The following GIPR variants were observed in gnomAD, a reference collection of about 807,000 sequenced individuals.
The protein encoded by GIPR is GIP-R.
In GIPR, 74 loss-of-function variants were observed where a neutral mutation model predicts 62.2. That is an observed-to-expected ratio of 1.19 (90% CI 0.99 to 1.44). The LOEUF is 1.44. Among genes scored for constraint, GIPR ranks in the 40% most tolerant of loss-of-function variants. GIPR has a pLI of 0.00. For missense variants in GIPR, 664 were observed against 611.8 expected, an observed-to-expected ratio of 1.09 and a Z score of -0.90; for synonymous variants, 256 against 262.2, an observed-to-expected ratio of 0.98 and a Z score of 0.23.
chr19:45,668,817 C>T (rs114358128), intron 1 of GIPR, among the ~76,000 whole-genome samples: 201 of 152,360 alleles, frequency 1.3e-3, no homozygotes, highest in Middle Eastern at 0.01. Context: ...CTTCTCTAGT[C>T]CCTAAGTATT....
intron 10 of GIPR, 50 bp downstream of exon 10, chr19:45,677,829 T>C: frequency 1.9e-6 from 3 of 1,601,808 alleles, no homozygotes; most frequent in Non-Finnish European, 2.6e-6. Flanking sequence ...TTTCCCATTC[T>C]GGGAAGTGGG....
chr19:45,677,071 G>C lies in GIPR; in HGVS notation c.756G>C (p.Glu252Asp), dbSNP rs76439420. The C allele has an allele frequency of 1.4e-3, 2,212 of 1,614,046 alleles. 35 individuals are homozygous for C. In the African/African-American group the frequency reaches 0.027, roughly 20 times the overall value. The part of the protein sequence containing the change: ...HSLLVLVGGS[E>D]EGHFRYYLLL... The stretch of plus-strand genomic sequence containing the variant: ...TCCTGGTGCTCGTGGGAGGCTCCGA[G>C]GAGGGCCACTTCCGCTACTACCTGC... The change falls in exon 8 of 14, where the codon GAG becomes GAC. Residue 252 changes from glutamate (E) to aspartate (D), a missense_variant. Glu to Asp is a conservative substitution (Grantham distance 45). Coordinates refer to ENST00000590918, the MANE Select transcript of GIPR (RefSeq NM_000164.4).
At chr19:45,673,857 A>G (rs942300490) in intron 5 of GIPR, among the ~76,000 whole-genome samples, 15 of 148,536 alleles carry the variant, frequency 1.0e-4, no homozygotes, top group Non-Finnish European at 1.9e-4. Context: ...AAGCAAGACC[A>G]TGTCTCAAAA....
At chr19:45,673,303 C>A (rs939414808) in intron 5 of GIPR, among the ~76,000 whole-genome samples, 1 of 151,130 alleles carries the variant, frequency 6.6e-6, no homozygotes, top group Non-Finnish European at 1.5e-5. Context: ...ACCTGTAGTC[C>A]CAGCTACTCA....
chr19:45,676,854 C>CA (rs763281164), intron 7 of GIPR, 95 bp from the exon 8 acceptor site: 96 of 1,114,458 alleles, frequency 8.6e-5, no homozygotes, highest in Non-Finnish European at 1.3e-4. Flanking sequence ...CCTTTGATGG[C>CA]AAGAGACGGG....
At chr19:45,672,572 TG>T (rs1251499100) in intron 4 of GIPR, 3 of 382,990 alleles carry the variant, frequency 7.8e-6, no homozygotes, top group Non-Finnish European at 1.5e-5. Flanking sequence ...CCCAAAGTGC[TG>T]GGATTACAGG....
rs766120282 is a variant in GIPR at position 45,671,242 on chromosome 19, G to A, written c.173-43G>A. 5.2e-6 allele frequency: 6 copies of A among 1,156,760 alleles called. No homozygotes were observed. The East Asian group carries it at 1.4e-4, about 27-fold the overall frequency. 71.7% of individuals were successfully genotyped at this position (1,156,760 alleles called of 1,614,324 possible). ...TGCGCAGTAGCACTTGGCCCACTGC[G>A]CAGTAGGTCCACTGGGCACCTGGCC... On this transcript the variant is annotated intron_variant, in intron 3 of 13. Transcript: ENST00000590918.
chr19:45,676,906 G>C, intron 7 of GIPR, 43 bp from the exon 8 acceptor site: 1 of 1,594,122 alleles, frequency 6.3e-7, no homozygotes, highest in South Asian at 1.1e-5. Context: ...GGAGACACCC[G>C]GGCAGCGCTG....
chr19:45,671,116 G>T (rs893819131), intron 3 of GIPR, among the ~76,000 whole-genome samples, 169 bp from the exon 4 acceptor site: 1 of 152,032 alleles, frequency 6.6e-6, no homozygotes, highest in African/African-American at 2.4e-5. Context: ...GCTTGTGGCC[G>T]AGCCGGGACG....
rs1975604005 is a variant in GIPR at position 45,672,715 on chromosome 19, G to T, written c.281-136G>T. ...AATACAAATAACATGCCATATAAGG[G>T]TTTATCATCATCATCATCATCATCA... On this transcript the variant is annotated intron_variant, in intron 4 of 13. Coordinates refer to ENST00000590918, the MANE Select transcript of GIPR (RefSeq NM_000164.4). 1.3e-5 allele frequency: 9 copies of T among 692,920 alleles called. No individual in the cohort carries two copies. In the Admixed American group the frequency reaches 1.8e-4, roughly 14 times the overall value. 42.9% of individuals were successfully genotyped at this position (692,920 alleles called of 1,614,324 possible).
intron 6 of GIPR, chr19:45,674,451 T>G: frequency 1.6e-6 from 1 of 624,316 alleles, no homozygotes; most frequent in East Asian, 2.8e-5. Context: ...CTACGACAAA[T>G]AAAATTAGCT....
At chr19:45,673,784 G>C (rs1191018028) in intron 5 of GIPR, among the ~76,000 whole-genome samples, 1 of 151,786 alleles carries the variant, frequency 6.6e-6, no homozygotes, top group East Asian at 1.9e-4. Context: ...GGATCGCTTG[G>C]GCCCTGGGGG....
intron 7 of GIPR, 38 bp from the exon 8 acceptor site, chr19:45,676,911 G>C (rs1315611798): frequency 6.2e-7 from 1 of 1,604,016 alleles, no homozygotes; most frequent in South Asian, 1.1e-5. Flanking sequence ...CACCCGGGCA[G>C]CGCTGACTAC....
Position 45,681,738 on chromosome 19 carries a change from G to C in GIPR, c.1204G>C (p.Glu402Gln). Residue 402 changes from glutamate to glutamine, a missense_variant, in exon 14 of 14, where the codon GAG becomes CAG. By Grantham distance (29) the Glu-to-Gln change is conservative. Transcript: ENST00000590918. ...CGCCATCGTCTCACAGGTGCAGTCG[G>C]AGATCCGCCGTGGCTGGCACCACTG... The part of the protein sequence containing the change: ...YCFINKEVQS[E>Q]IRRGWHHCRL... The C allele has an allele frequency of 6.2e-7, 1 of 1,610,354 alleles. No homozygotes were observed.
At chr19:45,675,715 C>T (rs1975813290) in intron 7 of GIPR, among the ~76,000 whole-genome samples, 2 of 151,568 alleles carry the variant, frequency 1.3e-5, no homozygotes, top group Non-Finnish European at 2.9e-5. Flanking sequence ...AGCAAAACCC[C>T]ACCTCTACAA....
Position 45,681,783 on chromosome 19 carries a change from G to T in GIPR, c.1249G>T (p.Gly417Cys), listed in dbSNP as rs1352444741. ...CCACTGCCGCCTGCGCCGCAGCCTG[G>T]GCGAGGAGCAACGCCAGCTCCCGGA... The part of the protein sequence containing the change: ...WHHCRLRRSL[G>C]EEQRQLPERA... The change falls in exon 14 of 14, where the codon GGC (glycine) becomes TGC (cysteine). Residue 417 changes from glycine (G) to cysteine (C), a missense_variant. By Grantham distance (159) the Gly-to-Cys change is radical (BLOSUM62 -3). Transcript: ENST00000590918. 1 of 1,596,604 alleles carries T rather than the reference G, an allele frequency of 6.3e-7. No individual in the cohort carries two copies. Among genetic ancestry groups the T allele is most frequent in the Non-Finnish European group, 8.5e-7 (1 of 1,171,426 alleles).
intron 4 of GIPR, among the ~76,000 whole-genome samples, chr19:45,672,032 C>A (rs76018179): frequency 7.4e-6 from 1 of 135,450 alleles, no homozygotes; most frequent in Admixed American, 7.2e-5. Flanking sequence ...CTATTTTTTT[C>A]TTTTTGAGAC....
At chr19:45,675,042 C>T (rs746018883) in intron 7 of GIPR, 7 of 600,180 alleles carry the variant, frequency 1.2e-5, no homozygotes, top group Middle Eastern at 2.8e-4. Flanking sequence ...CCCAGCCTAT[C>T]ACTCCCATAC....
At position 45,682,195 on chromosome 19, in the gene GIPR, T is replaced by C. The variant is rs1967284293; in HGVS notation, c.*260T>C. On this transcript the variant is annotated 3_prime_UTR_variant, in exon 14 of 14. Transcript: ENST00000590918. ...GGAGGCGTCTCCAAGGAGGTGACACTTAAGCCATCCCCGAAAGAGGTGAAA... is the reference window on the plus strand; with the variant it reads ...GGAGGCGTCTCCAAGGAGGTGACACCTAAGCCATCCCCGAAAGAGGTGAAA... 4 of 515,232 alleles carry C rather than the reference T, an allele frequency of 7.8e-6. No individual in the cohort carries two copies. Among genetic ancestry groups the C allele is most frequent in the Admixed American group, 3.7e-5 (1 of 27,342 alleles). The allele number at this position is 515,232 out of a possible 1,614,324, so 31.9% of individuals were successfully genotyped here.
Sources: allele counts gnomAD v4.1 joint callset (sites outside exome capture counted in the v4.1 genomes callset), GRCh38; gene constraint gnomAD v4.1.1; transcripts MANE v1.5; gene names NCBI Gene and HGNC (gene_info 2026-07-23, HGNC 2026-07-21).